NEURL1: variants seen among roughly 807,000 people sequenced by gnomAD.
NEURL1 encodes neuralized E3 ubiquitin protein ligase 1.
Under a neutral mutation model 41.2 loss-of-function variants are expected in NEURL1, and 26 were observed. That is an observed-to-expected ratio of 0.63 (90% CI 0.46 to 0.87). The LOEUF (loss-of-function observed/expected upper bound fraction) is 0.87. NEURL1 is among the 40% of genes least tolerant of loss of function. The pLI is 0.00. For synonymous variants in NEURL1, 400 were observed against 402.3 expected, an observed-to-expected ratio of 0.99 and a Z score of 0.07; for missense variants, 761 against 871.1, an observed-to-expected ratio of 0.87 and a Z score of 1.59.
intron 1 of NEURL1, among the ~76,000 whole-genome samples, chr10:103,516,754 A>G (rs1050066157): frequency 6.6e-6 from 1 of 152,188 alleles, no homozygotes; most frequent in African/African-American, 2.4e-5. Flanking sequence ...GGAAAAATGT[A>G]GATTCCTCCT....
At position 103,508,635 on chromosome 10, in the gene NEURL1, G is replaced by A. The variant is rs568523040; in HGVS notation, c.85+14163G>A. ...GGGGTTTTCCCTTTCTGAGGCTGGC[G>A]TTTGCAGATCTGTGGGACTGAGGAG... On this transcript the variant is annotated intron_variant, in intron 1 of 5. Transcript: ENST00000369780. The surrounding 1 kb of genome is among the most constrained non-coding windows in gnomAD (Gnocchi z 4.3). Among the ~76,000 whole-genome samples the A allele has an allele frequency of 2.0e-5, 3 of 152,322 alleles. No individual in the cohort carries two copies. Among genetic ancestry groups the A allele is most frequent in the Admixed American group, 6.5e-5 (1 of 15,306 alleles).
chr10:103,585,105 G>C lies in NEURL1; in HGVS notation c.1219G>C (p.Gly407Arg). 1 of 1,590,224 alleles carries C rather than the reference G, an allele frequency of 6.3e-7. No individual in the cohort carries two copies. The highest frequency in any genetic ancestry group is 8.5e-7 in the Non-Finnish European group (1 of 1,176,128). Reference protein sequence around the residue: ...DILGLVVNADGELHLSHNGAA... With the variant: ...DILGLVVNADRELHLSHNGAA... The stretch of plus-strand genomic sequence containing the variant: ...CCTGGGCCTGGTGGTCAACGCCGAC[G>C]GCGAGCTGCACCTCAGCCACAATGG... The change falls in exon 4 of 6, where the codon GGC becomes CGC. Residue 407 changes from glycine to arginine, a missense_variant. Around this residue, in one of 5 missense-constraint regions of NEURL1, gnomAD observed 443 missense variants for 408.1 expected, o/e 1.09. Transcript: ENST00000369780.
chr10:103,506,564 CTT>C (rs377578071), intron 1 of NEURL1, among the ~76,000 whole-genome samples: 4 of 144,856 alleles, frequency 2.8e-5, no homozygotes, highest in Admixed American at 6.9e-5. Context: ...CTGCTGTCTG[CTT>C]TTTTTTTTTT....
At chr10:103,523,355 C>T (rs2034395253) in intron 1 of NEURL1, among the ~76,000 whole-genome samples, 1 of 151,466 alleles carries the variant, frequency 6.6e-6, no homozygotes, top group South Asian at 2.1e-4. Flanking sequence ...ACTCTGGAGG[C>T]TAAGGTGGAA....
At chr10:103,517,386 T>A (rs2034240557) in intron 1 of NEURL1, 2 of 152,248 alleles carry the variant, frequency 1.3e-5, no homozygotes, top group Non-Finnish European at 2.9e-5. Flanking sequence ...AAATACCTAC[T>A]GTTTAATGAC....
In NEURL1 at chr10:103,562,446, G is replaced by C. The variant is rs977007987; in HGVS notation, c.86-8426G>C. Among the ~76,000 whole-genome samples, 9 of 152,282 alleles carry C rather than the reference G, an allele frequency of 5.9e-5. No individual in the cohort carries two copies. In the East Asian group the frequency reaches 1.5e-3, roughly 26 times the overall value. ...CCCTAGGGAGGCTCACAGTCCATCAGGGGGAAAGACAGGCACAAATAACCT... is the reference window on the plus strand; with the variant it reads ...CCCTAGGGAGGCTCACAGTCCATCACGGGGAAAGACAGGCACAAATAACCT... On this transcript the variant is annotated intron_variant, in intron 1 of 5. Transcript: ENST00000369780.
chr10:103,505,755 TAGG>T (rs2033932035), intron 1 of NEURL1, among the ~76,000 whole-genome samples: 1 of 152,188 alleles, frequency 6.6e-6, no homozygotes, highest in Non-Finnish European at 1.5e-5. Context: ...AGGGTGTTCT[TAGG>T]AGAAGGAGCT....
At position 103,494,126 on chromosome 10, in the gene NEURL1, T is replaced by G; in HGVS notation, c.-262T>G. 2 of 378,942 alleles carry G rather than the reference T, an allele frequency of 5.3e-6. No individual in the cohort carries two copies. The highest frequency in any genetic ancestry group is 9.5e-6 in the Non-Finnish European group (2 of 210,884). The allele number at this position is 378,942 out of a possible 1,614,324, so 23.5% of individuals were successfully genotyped here. A position where few individuals can be genotyped will look rare whatever the true frequency, so the allele number is the denominator to read the frequency against. On this transcript the variant is annotated 5_prime_UTR_variant, in exon 1 of 6. Transcript: ENST00000369780. ...CCCGGCCCCGGCCCAGGGCCCTGCTTGTGGCCCCCGCTCCCGCCACGGGGC... is the reference window on the plus strand; with the variant it reads ...CCCGGCCCCGGCCCAGGGCCCTGCTGGTGGCCCCCGCTCCCGCCACGGGGC...
At chr10:103,514,151 C>A (rs1309054248) in intron 1 of NEURL1, among the ~76,000 whole-genome samples, 1 of 151,522 alleles carries the variant, frequency 6.6e-6, no homozygotes, top group Non-Finnish European at 1.5e-5. Flanking sequence ...TGTAGTGGCA[C>A]GATCTTGGCT....
In NEURL1 at chr10:103,512,052, T is replaced by C. The variant is rs572873538; in HGVS notation, c.85+17580T>C. Reference sequence around the variant, plus strand: ...ATTGCTTCATTCATTCATTCATTCATTGATGGCACAGATGTTCTTTGGGTG... The same window carrying C: ...ATTGCTTCATTCATTCATTCATTCACTGATGGCACAGATGTTCTTTGGGTG... On this transcript the variant is annotated intron_variant, in intron 1 of 5. Coordinates refer to ENST00000369780, the MANE Select transcript of NEURL1 (RefSeq NM_004210.5). The C allele has an allele frequency of 7.2e-5, 11 of 152,360 alleles. No individual in the cohort carries two copies. The East Asian group carries it at 2.1e-3, about 29-fold the overall frequency. 9.4% of individuals were successfully genotyped at this position (152,360 alleles called of 1,614,324 possible). A position where few individuals can be genotyped will look rare whatever the true frequency, so the allele number is the denominator to read the frequency against.
intron 1 of NEURL1, among the ~76,000 whole-genome samples, chr10:103,560,106 C>T (rs1258985800): frequency 6.6e-6 from 1 of 152,122 alleles, no homozygotes; most frequent in Admixed American, 6.5e-5. Context: ...CTCTGTCCCC[C>T]AGCCCTGCAC....
intron 1 of NEURL1, among the ~76,000 whole-genome samples, chr10:103,562,902 A>G (rs2035334685): frequency 6.6e-6 from 1 of 152,214 alleles, no homozygotes; most frequent in Admixed American, 6.5e-5. Context: ...CCTTTAGGGA[A>G]CCCAAAGAAG....
rs538320313 is a variant in NEURL1, at chr10:103,558,425, G to A, written c.86-12447G>A. ...TGTGATGTGTCTCTAACTGTGGATT[G>A]AAGCGACTGTGTGTTGCCGGGCCTG... On this transcript the variant is annotated intron_variant, in intron 1 of 5. Transcript: ENST00000369780. The surrounding 1 kb of genome is among the most constrained non-coding windows in gnomAD (Gnocchi z 4.2). Among the ~76,000 whole-genome samples the A allele has an allele frequency of 4.2e-4, 64 of 152,096 alleles. No individual in the cohort carries two copies. Among genetic ancestry groups the A allele is most frequent in the African/African-American group, 1.5e-3 (63 of 41,488 alleles).
At chr10:103,509,234 CAAAAAAAAAA>C (rs56319349) in intron 1 of NEURL1, among the ~76,000 whole-genome samples, 1 of 111,550 alleles carries the variant, frequency 9.0e-6, no homozygotes, top group Non-Finnish European at 2.0e-5. Flanking sequence ...GACTCTGTCT[CAAAAAAAAAA>C]AAAAAAAAGA....
intron 1 of NEURL1, among the ~76,000 whole-genome samples, chr10:103,559,456 T>C (rs2035234526): frequency 6.6e-6 from 1 of 151,764 alleles, no homozygotes; most frequent in Admixed American, 6.6e-5. Context: ...GGCAGGGCAG[T>C]TGGAGCTGAA....
chr10:103,555,252 G>T, intron 1 of NEURL1: 1 of 996,924 alleles, frequency 1.0e-6, no homozygotes, highest in Non-Finnish European at 1.2e-6. Context: ...GAGGGGCCTC[G>T]GCCCTGCCAT....
chr10:103,507,841 G>A (rs1203429938), intron 1 of NEURL1, among the ~76,000 whole-genome samples: 1 of 152,188 alleles, frequency 6.6e-6, no homozygotes, highest in Non-Finnish European at 1.5e-5. Flanking sequence ...GGGACCTGCA[G>A]CCCTGCCCCA....
chr10:103,547,916 G>A (rs2034956281), intron 1 of NEURL1, among the ~76,000 whole-genome samples: 1 of 151,984 alleles, frequency 6.6e-6, no homozygotes, highest in Admixed American at 6.6e-5. Flanking sequence ...TGTCTCCTGC[G>A]ACACCCTGGG....
Position 103,519,287 on chromosome 10 carries a change from T to A in NEURL1, c.85+24815T>A, listed in dbSNP as rs189397387. On this transcript the variant is annotated intron_variant, in intron 1 of 5. Transcript: ENST00000369780. Reference sequence around the variant, plus strand: ...AGAAAGAAAGAAAAAAACACTTTTTTAAAAAATGAACTTTTATAGCCCTGT... The same window carrying A: ...AGAAAGAAAGAAAAAAACACTTTTTAAAAAAATGAACTTTTATAGCCCTGT... Among the ~76,000 whole-genome samples the A allele has an allele frequency of 3.3e-3, 497 of 152,256 alleles. 2 individuals are homozygous for A. Among genetic ancestry groups the A allele is most frequent in the African/African-American group, 0.01 (424 of 41,540 alleles).
Sources: gnomAD v4.1 joint callset for allele counts (sites outside exome capture counted in the v4.1 genomes callset) on GRCh38, gnomAD v4.1.1 for gene constraint, gnomAD v4.1.1 regional missense constraint, Gnocchi (gnomAD v3.1) non-coding constraint, MANE v1.5 for transcripts, NCBI Gene and HGNC (gene_info 2026-07-23, HGNC 2026-07-21) for gene names.